The following TMEM184B variants were observed in gnomAD, a reference collection of about 807,000 sequenced individuals.
TMEM184B encodes putative MAPK-activating protein FM08.
Under a neutral mutation model 41.8 loss-of-function variants are expected in TMEM184B, and 17 were observed. The ratio of observed to expected loss-of-function variants is 0.41; its 90% CI spans 0.28 to 0.61. TMEM184B has a LOEUF of 0.61. Among genes scored for constraint, TMEM184B ranks in the 20% least tolerant of loss-of-function variants. TMEM184B has a pLI of 0.34. For synonymous variants in TMEM184B, 240 were observed against 229.5 expected (o/e 1.05, Z -0.41); for missense variants, 393 against 557.8 (o/e 0.70, Z 2.98).
chr22:38,261,656 G>A (rs2092370077), intron 1 of TMEM184B, among the ~76,000 whole-genome samples: 1 of 152,172 alleles, frequency 6.6e-6, no homozygotes, highest in African/African-American at 2.4e-5. Context: ...CCAACGCTCA[G>A]CCTCTTTAGC....
chr22:38,251,026 G>A (rs557450518), intron 1 of TMEM184B, among the ~76,000 whole-genome samples: 17 of 152,280 alleles, frequency 1.1e-4, no homozygotes, highest in African/African-American at 3.8e-4. Flanking sequence ...TACAAAGTGG[G>A]GGGACCTAGC....
In TMEM184B at chr22:38,225,592, C is replaced by T. The variant is rs1299626902; in HGVS notation, c.619G>A (p.Val207Ile). The T allele has an allele frequency of 1.1e-5, 18 of 1,603,302 alleles. No individual in the cohort carries two copies. The highest frequency in any genetic ancestry group is 1.4e-5 in the Non-Finnish European group (17 of 1,176,076). Residue 207 changes from valine (V) to isoleucine (I), a missense_variant and splice_region_variant, in exon 7 of 9, where the codon GTC (valine) becomes ATC (isoleucine). Physicochemically the swap from Val to Ile is conservative, Grantham distance 29 (BLOSUM62 3). This residue lies in a region of TMEM184B where 271 missense variants were observed against 434.1 expected (regional missense o/e 0.62). Coordinates refer to ENST00000361906, the MANE Select transcript of TMEM184B (RefSeq NM_012264.5). This position sits in a 1 kb window ranked among gnomAD's most constrained non-coding sequence, Gnocchi z 4.4. ...GTCACGTAGAGGTAGCCACTGGTGA[C>T]GCTGCGGGACGGGGAGCATTTTCTG... ...FGKYRDGDFD[V>I]TSGYLYVTII...
In TMEM184B at chr22:38,221,278, T is replaced by G. The variant is rs2091251873; in HGVS notation, c.*191A>C. 7.0e-7 allele frequency: 1 copy of G among 1,428,236 alleles called. No homozygotes were observed. Among genetic ancestry groups the G allele is most frequent in the African/African-American group, 1.4e-5 (1 of 69,484 alleles). The allele number at this position is 1,428,236 out of a possible 1,614,324, so 88.5% of individuals were successfully genotyped here. On this transcript the variant is annotated 3_prime_UTR_variant, in exon 9 of 9. Transcript: ENST00000361906. ...TGCAGGCTGGGCCATGTATAAATATTCCTGAAGGCCCATGGGCGAGCCTGG... is the reference window on the plus strand; with the variant it reads ...TGCAGGCTGGGCCATGTATAAATATGCCTGAAGGCCCATGGGCGAGCCTGG...
chr22:38,242,750 C>T (rs951250846), intron 3 of TMEM184B, among the ~76,000 whole-genome samples: 5 of 152,102 alleles, frequency 3.3e-5, no homozygotes, highest in South Asian at 2.1e-4. Context: ...GAGCAGGCCC[C>T]GCTGCCTCTG....
intron 3 of TMEM184B, among the ~76,000 whole-genome samples, chr22:38,242,985 C>A (rs1423845030): frequency 6.8e-6 from 1 of 146,188 alleles, no homozygotes; most frequent in Non-Finnish European, 1.5e-5. Flanking sequence ...TCACTTGAAC[C>A]TAGGAGGTGG....
chr22:38,262,714 G>A (rs1019953245), intron 1 of TMEM184B, among the ~76,000 whole-genome samples: 3 of 152,104 alleles, frequency 2.0e-5, no homozygotes, highest in Admixed American at 6.6e-5. Context: ...CTCCAAGGCC[G>A]GGACCGGGGG....
rs375829138 is a variant in TMEM184B, at chr22:38,242,935, G to A, written c.358+3000C>T. On this transcript the variant is annotated intron_variant, in intron 3 of 8. Coordinates refer to ENST00000361906, the MANE Select transcript of TMEM184B (RefSeq NM_012264.5). ...AAATTAGCTGGGCGTGGTAGCACAC[G>A]CCTGTAGTCCCAGCTACTCGGGAGG... is the stretch of plus-strand genomic sequence containing the variant. Among the ~76,000 whole-genome samples, 91 of 151,742 alleles carry A rather than the reference G, an allele frequency of 6.0e-4. 1 individual carries two copies. Among genetic ancestry groups the A allele is most frequent in the Admixed American group, 2.6e-3 (39 of 15,212 alleles).
At chr22:38,240,965 T>C (rs913233501) in intron 3 of TMEM184B, among the ~76,000 whole-genome samples, 1 of 152,222 alleles carries the variant, frequency 6.6e-6, no homozygotes, top group Non-Finnish European at 1.5e-5. Context: ...AGACCTCCCA[T>C]GCACTCTCTT....
Position 38,220,841 on chromosome 22 carries a change from C to G in TMEM184B, c.*628G>C. 1 of 986,148 alleles carries G rather than the reference C, an allele frequency of 1.0e-6. No homozygotes were observed. Among genetic ancestry groups the G allele is most frequent in the Non-Finnish European group, 1.2e-6 (1 of 830,160 alleles). The allele number at this position is 986,148 out of a possible 1,614,324, so 61.1% of individuals were successfully genotyped here. A position where few individuals can be genotyped will look rare whatever the true frequency, so the allele number is the denominator to read the frequency against. On this transcript the variant is annotated 3_prime_UTR_variant, in exon 9 of 9. Transcript: ENST00000361906. ...GCCCCTGCTTCAACAGAAGCGGTGC[C>G]CAGGGGCCCTGAATGCCCTTCCTGG...
intron 3 of TMEM184B, among the ~76,000 whole-genome samples, chr22:38,242,661 C>A (rs543357763): frequency 1.8e-3 from 267 of 152,280 alleles, no homozygotes; most frequent in African/African-American, 5.6e-3. Context: ...TCGGGGGGGA[C>A]TGCCCCATCA....
At position 38,225,368 on chromosome 22, in the gene TMEM184B, G is replaced by C. The variant is rs528860680; in HGVS notation, c.787+56C>G. 2.0e-6 allele frequency: 3 copies of C among 1,502,884 alleles called. No homozygotes were observed. In the South Asian group the frequency reaches 4.1e-5, roughly 21 times the overall value. The allele number at this position is 1,502,884 out of a possible 1,614,324, so 93.1% of individuals were successfully genotyped here. ...GGACCATAAGCAGAAGGGGCAGCAG[G>C]AAGCGCAGAGGACAGGGTGGCATGG... On this transcript the variant is annotated intron_variant, in intron 7 of 8. Transcript: ENST00000361906. This position sits in a 1 kb window ranked among gnomAD's most constrained non-coding sequence, Gnocchi z 4.4.
At chr22:38,230,374 C>T (rs1487197765) in intron 5 of TMEM184B, among the ~76,000 whole-genome samples, 3 of 152,242 alleles carry the variant, frequency 2.0e-5, no homozygotes, top group Non-Finnish European at 4.4e-5. Context: ...GTTCTAGAAT[C>T]CCCACGCACT....
chr22:38,265,725 CATCT>C (rs1418005981), intron 1 of TMEM184B, among the ~76,000 whole-genome samples: 3 of 152,252 alleles, frequency 2.0e-5, no homozygotes, highest in African/African-American at 7.2e-5. Flanking sequence ...CCTTCACCAA[CATCT>C]ATCATTGTGC....
intron 3 of TMEM184B, among the ~76,000 whole-genome samples, chr22:38,233,035 C>G (rs1158658328): frequency 6.6e-6 from 1 of 152,222 alleles, no homozygotes; most frequent in Non-Finnish European, 1.5e-5. Context: ...CCTCAGGACA[C>G]AGGTGCCACT....
At chr22:38,266,199 C>G (rs1386891247) in intron 1 of TMEM184B, among the ~76,000 whole-genome samples, 2 of 152,210 alleles carry the variant, frequency 1.3e-5, no homozygotes, top group African/African-American at 2.4e-5. Flanking sequence ...AGAGAGGAGG[C>G]TGGAGTCTTC....
Position 38,241,883 on chromosome 22 carries a change from C to CAAAAAAAAAAAAAAAA in TMEM184B, c.358+4036_358+4051dup, listed in dbSNP as rs34060428. On this transcript the variant is annotated intron_variant, in intron 3 of 8. Coordinates refer to ENST00000361906, the MANE Select transcript of TMEM184B (RefSeq NM_012264.5). ...TGGGTGACAGAGCGAGACTCCGTCT[C>CAAAAAAAAAAAAAAAA]AAAAAAAAAAAAAAAAAAAAAAAAG... Among the ~76,000 whole-genome samples, 154 of 32,562 alleles carry CAAAAAAAAAAAAAAAA rather than the reference C, an allele frequency of 4.7e-3. 10 individuals are homozygous for CAAAAAAAAAAAAAAAA. Among genetic ancestry groups the CAAAAAAAAAAAAAAAA allele is most frequent in the Middle Eastern group, 0.019 (1 of 54 alleles). The allele number at this position is 32,562 out of a possible 152,430, so 21.4% of individuals were successfully genotyped here. A position where few individuals can be genotyped will look rare whatever the true frequency, so the allele number is the denominator to read the frequency against.
At chr22:38,268,847 T>C (rs73409231) in intron 1 of TMEM184B, among the ~76,000 whole-genome samples, 2,515 of 152,374 alleles carry the variant, frequency 0.017, 56 homozygotes, top group African/African-American at 0.055. Flanking sequence ...ACTCGGCTCC[T>C]GAGGGCGGCT....
At chr22:38,218,125 C>T (rs913797132), downstream of TMEM184B, among the ~76,000 whole-genome samples, 7 of 152,164 alleles carry the variant, frequency 4.6e-5, no homozygotes, top group African/African-American at 7.2e-5. Context: ...CTATCTTCCC[C>T]ATGTTTCGGA....
rs1300001414 is a variant in TMEM184B at position 38,220,036 on chromosome 22, C to T, written c.*1433G>A. On this transcript the variant is annotated 3_prime_UTR_variant, in exon 9 of 9. Coordinates refer to ENST00000361906, the MANE Select transcript of TMEM184B (RefSeq NM_012264.5). ...AGTGAACACCGGCAGGGTCCCTCTC[C>T]CTTACCCTACCAGCTTCTCCAGGTG... The T allele has an allele frequency of 1.0e-5, 10 of 985,406 alleles. No individual in the cohort carries two copies. The highest frequency in any genetic ancestry group is 1.1e-5 in the Non-Finnish European group (9 of 830,008). The allele number at this position is 985,406 out of a possible 1,614,324, so 61.0% of individuals were successfully genotyped here.
Sources: gnomAD v4.1 joint callset for allele counts (sites outside exome capture counted in the v4.1 genomes callset) on GRCh38, gnomAD v4.1.1 for gene constraint, gnomAD v4.1.1 regional missense constraint, Gnocchi (gnomAD v3.1) non-coding constraint, MANE v1.5 for transcripts, NCBI Gene and HGNC (gene_info 2026-07-23, HGNC 2026-07-21) for gene names.